PCDH11Y: variants seen among roughly 807,000 people sequenced by gnomAD.
PCDH11Y encodes protocadherin-11 Y-linked.
For synonymous variants in PCDH11Y, 9 were observed against 83.6 expected (o/e 0.11, Z 4.87); for missense variants, 12 against 224.8 (o/e 0.05, Z 6.05).
chrY:5,270,098 G>A (rs2053033146), intron 2 of PCDH11Y, among the ~76,000 whole-genome samples: 2 of 30,801 alleles, frequency 6.5e-5, no homozygotes, highest in East Asian at 1.7e-3. Context: ...CAGTTTCATC[G>A]GGTTAATGTA....
At chrY:5,535,518 T>C in intron 3 of PCDH11Y, among the ~76,000 whole-genome samples, 1 of 33,537 alleles carries the variant, frequency 3.0e-5, no homozygotes, top group Non-Finnish European at 7.3e-5. Context: ...TTACTTAACT[T>C]AGAATAATGA....
chrY:5,264,033 A>G, intron 2 of PCDH11Y, among the ~76,000 whole-genome samples: 1 of 32,116 alleles, frequency 3.1e-5, no homozygotes, highest in Non-Finnish European at 7.7e-5. Flanking sequence ...TTTCACAGGC[A>G]GAGGAGCCTC....
chrY:5,385,532 T>A, intron 2 of PCDH11Y, among the ~76,000 whole-genome samples: 1 of 32,377 alleles, frequency 3.1e-5, no homozygotes, highest in Non-Finnish European at 7.6e-5. Flanking sequence ...AGATTCTTTA[T>A]CCACTCGTTG....
At chrY:5,475,738 T>G in intron 2 of PCDH11Y, among the ~76,000 whole-genome samples, 1 of 31,785 alleles carries the variant, frequency 3.1e-5, no homozygotes, top group African/African-American at 1.3e-4. Context: ...TAGGGGATTT[T>G]GTCACTGTGC....
At chrY:5,313,184 T>G in intron 2 of PCDH11Y, among the ~76,000 whole-genome samples, 1 of 32,436 alleles carries the variant, frequency 3.1e-5, no homozygotes, top group Non-Finnish European at 7.6e-5. Flanking sequence ...TTCATCAAAA[T>G]TATGCTCCAA....
chrY:5,593,302 A>G (rs2053463827), intron 4 of PCDH11Y, among the ~76,000 whole-genome samples: 4 of 33,277 alleles, frequency 1.2e-4, no homozygotes, highest in Non-Finnish European at 2.2e-4. Flanking sequence ...CAATTCTGCT[A>G]TTAATACTTG....
chrY:5,028,302 T>C, intron 1 of PCDH11Y, among the ~76,000 whole-genome samples: 1 of 34,146 alleles, frequency 2.9e-5, no homozygotes, highest in Non-Finnish European at 7.3e-5. Flanking sequence ...TCATAGTTTC[T>C]GCAAAATCTG....
chrY:5,131,612 T>C, intron 2 of PCDH11Y, among the ~76,000 whole-genome samples: 2 of 33,191 alleles, frequency 6.0e-5, no homozygotes, highest in Non-Finnish European at 1.5e-4. Flanking sequence ...AATATCTCCC[T>C]GTTATAACAA....
intron 4 of PCDH11Y, among the ~76,000 whole-genome samples, chrY:5,689,615 G>A: frequency 9.1e-5 from 3 of 33,003 alleles, no homozygotes; most frequent in Admixed American, 8.4e-4. Context: ...TGTAACCCCC[G>A]TGAATCAACG....
At chrY:5,266,758 A>G in intron 2 of PCDH11Y, among the ~76,000 whole-genome samples, 1 of 32,491 alleles carries the variant, frequency 3.1e-5, no homozygotes, top group African/African-American at 1.2e-4. Flanking sequence ...AACACCATAA[A>G]TAGCTTGATA....
intron 2 of PCDH11Y, among the ~76,000 whole-genome samples, chrY:5,211,453 C>A (rs2052938553): frequency 1.2e-4 from 4 of 32,553 alleles, no homozygotes; most frequent in African/African-American, 3.6e-4. Flanking sequence ...TGGGGGCCAT[C>A]ATTCTGTCTT....
intron 2 of PCDH11Y, among the ~76,000 whole-genome samples, chrY:5,228,589 T>C: frequency 3.3e-5 from 1 of 30,417 alleles, no homozygotes; most frequent in Non-Finnish European, 7.9e-5. Flanking sequence ...GATACTGCTT[T>C]TGCTGTATTC....
chrY:5,686,718 T>C (rs2053563379), intron 4 of PCDH11Y, among the ~76,000 whole-genome samples: 1 of 32,790 alleles, frequency 3.0e-5, no homozygotes, highest in Non-Finnish European at 7.5e-5. Context: ...GCTGAGATCA[T>C]GGGGTTTTCT....
chrY:5,244,183 T>A (rs2052992592), intron 2 of PCDH11Y, among the ~76,000 whole-genome samples: 2 of 33,534 alleles, frequency 6.0e-5, no homozygotes, highest in African/African-American at 1.2e-4. Flanking sequence ...AGGTAAATAA[T>A]GAAATTGAGC....
intron 2 of PCDH11Y, among the ~76,000 whole-genome samples, chrY:5,232,605 T>G (rs2052969136): frequency 3.1e-5 from 1 of 31,754 alleles, no homozygotes; most frequent in Non-Finnish European, 7.7e-5. Flanking sequence ...TCTCTTCAAG[T>G]GGAAGAAAGG....
At chrY:5,292,867 G>T in intron 2 of PCDH11Y, among the ~76,000 whole-genome samples, 1 of 33,225 alleles carries the variant, frequency 3.0e-5, no homozygotes. Flanking sequence ...TTGTTTGTTT[G>T]TTTTTATGTA....
intron 4 of PCDH11Y, among the ~76,000 whole-genome samples, chrY:5,660,048 T>G: frequency 3.4e-4 from 10 of 29,281 alleles, no homozygotes; most frequent in African/African-American, 1.1e-3. Context: ...CTAGCCCAGG[T>G]TGATTCTAGA....
chrY:5,678,640 TACAC>T (rs778323664), intron 4 of PCDH11Y, among the ~76,000 whole-genome samples: 1 of 31,507 alleles, frequency 3.2e-5, no homozygotes, highest in Non-Finnish European at 7.8e-5. Context: ...CAAGTATCTT[TACAC>T]ACACACACAC....
intron 2 of PCDH11Y, among the ~76,000 whole-genome samples, chrY:5,336,082 T>C: frequency 3.1e-5 from 1 of 32,752 alleles, no homozygotes; most frequent in Non-Finnish European, 7.4e-5. Flanking sequence ...AGCATTTATT[T>C]ATCCAGTTTC....
Sources: gnomAD v4.1 joint callset for allele counts (sites outside exome capture counted in the v4.1 genomes callset) on GRCh38, gnomAD v4.1.1 for gene constraint, MANE v1.5 for transcripts, NCBI Gene and HGNC (gene_info 2026-07-23, HGNC 2026-07-21) for gene names.